Variants in GTF2H5 observed in about 807,000 individuals in gnomAD.
GTF2H5 encodes general transcription factor IIH subunit 5, also known as TFB5 ortholog.
In GTF2H5, 5 loss-of-function variants were observed where a neutral mutation model predicts 7.1. That is an observed-to-expected ratio of 0.71 (90% CI 0.37 to 1.49). GTF2H5 has a LOEUF of 1.49. GTF2H5 is among the 40% of genes most tolerant of loss of function. The probability of loss-of-function intolerance (pLI) is 0.03; values close to 1 mark genes in which losing one functional copy is unlikely to be tolerated. For synonymous variants in GTF2H5, 30 were observed against 31.7 expected (o/e 0.95, Z 0.18); for missense variants, 80 against 83.0 (o/e 0.96, Z 0.14).
chr6:158,169,371 A>ATGTATATTATATATAATATTATAT (rs1785715564), intron 1 of GTF2H5, among the ~76,000 whole-genome samples: 1 of 100,804 alleles, frequency 9.9e-6, no homozygotes, highest in African/African-American at 4.3e-5. Flanking sequence ...TATATATAAT[A>ATGTATATTATATATAATATTATAT]TGTATATTAT....
At chr6:158,173,335 C>G (rs979517854) in intron 2 of GTF2H5, among the ~76,000 whole-genome samples, 4 of 152,032 alleles carry the variant, frequency 2.6e-5, no homozygotes, top group African/African-American at 9.7e-5. Flanking sequence ...ACAAGTCTTC[C>G]AAAAAGATTT....
At chr6:158,188,735 T>C (rs995648339) in intron 2 of GTF2H5, among the ~76,000 whole-genome samples, 3 of 152,236 alleles carry the variant, frequency 2.0e-5, no homozygotes, top group African/African-American at 7.2e-5. Context: ...ATGCTCTGTT[T>C]GTAAAATACC....
At chr6:158,189,143 G>C (rs893341430) in intron 2 of GTF2H5, among the ~76,000 whole-genome samples, 1 of 151,916 alleles carries the variant, frequency 6.6e-6, no homozygotes, top group Non-Finnish European at 1.5e-5. Context: ...CTTATCAGGT[G>C]GTGCCTTTTT....
intron 2 of GTF2H5, among the ~76,000 whole-genome samples, chr6:158,175,044 G>GTGTATATGTGTGTGTGTGTGTGTGTGTA: frequency 1.4e-5 from 2 of 142,794 alleles, no homozygotes; most frequent in Non-Finnish European, 3.0e-5. Flanking sequence ...GTGTGTGTGT[G>GTGTATATGTGTGTGTGTGTGTGTGTGTA]TATACACACA....
intron 2 of GTF2H5, among the ~76,000 whole-genome samples, chr6:158,189,440 T>C (rs937068634): frequency 6.6e-6 from 1 of 152,158 alleles, no homozygotes; most frequent in African/African-American, 2.4e-5. Context: ...GATACCCTGT[T>C]CTCCCAGTTC....
chr6:158,180,136 G>T (rs1442249878), intron 2 of GTF2H5, among the ~76,000 whole-genome samples: 1 of 152,100 alleles, frequency 6.6e-6, no homozygotes, highest in African/African-American at 2.4e-5. Context: ...GATAATCGTG[G>T]TTTTTGTCAT....
chr6:158,169,517 T>TATATAATATACTGTATATTAC (rs1785752351), intron 1 of GTF2H5, among the ~76,000 whole-genome samples: 1 of 74,056 alleles, frequency 1.4e-5, no homozygotes, highest in African/African-American at 5.3e-5. Context: ...TTGTATATTA[T>TATATAATATACTGTATATTAC]ATATAATATA....
intron 2 of GTF2H5, among the ~76,000 whole-genome samples, chr6:158,185,424 C>A (rs1776903252): frequency 6.6e-6 from 1 of 151,436 alleles, no homozygotes; most frequent in South Asian, 2.1e-4. Context: ...CCTGTAGACC[C>A]AGTTAGTCAG....
At chr6:158,177,996 GT>G (rs1785955627) in intron 2 of GTF2H5, among the ~76,000 whole-genome samples, 1 of 152,156 alleles carries the variant, frequency 6.6e-6, no homozygotes, top group Non-Finnish European at 1.5e-5. Flanking sequence ...TTGGTTCCAA[GT>G]CTTAGCTATT....
chr6:158,170,142 G>C (rs1165594415), intron 1 of GTF2H5, among the ~76,000 whole-genome samples: 2 of 152,038 alleles, frequency 1.3e-5, no homozygotes, highest in East Asian at 3.8e-4. Flanking sequence ...TCATTCTCCT[G>C]AATGGGAAAA....
chr6:158,173,156 C>CTTCAGTTTAAACATTA (rs1246081094), intron 2 of GTF2H5, among the ~76,000 whole-genome samples: 1 of 152,190 alleles, frequency 6.6e-6, no homozygotes, highest in Non-Finnish European at 1.5e-5. Flanking sequence ...TGTTAATCAG[C>CTTCAGTTTAAACATTA]TTCAGTTTAA....
intron 2 of GTF2H5, among the ~76,000 whole-genome samples, chr6:158,180,755 C>G (rs868861769): frequency 2.0e-5 from 3 of 150,830 alleles, no homozygotes; most frequent in Admixed American, 6.6e-5. Flanking sequence ...ATTTTTCTCT[C>G]TTTCTTCTTT....
chr6:158,191,760 G>A (rs1777031233), intron 2 of GTF2H5, among the ~76,000 whole-genome samples: 1 of 152,214 alleles, frequency 6.6e-6, no homozygotes, highest in Non-Finnish European at 1.5e-5. Flanking sequence ...GGGATCACAG[G>A]TGTGAGCCAT....
chr6:158,185,992 CA>C (rs199922052), intron 2 of GTF2H5, among the ~76,000 whole-genome samples: 2 of 150,936 alleles, frequency 1.3e-5, no homozygotes, highest in African/African-American at 2.4e-5. Context: ...GACTCTGTCT[CA>C]AAAAAAATAA....
intron 2 of GTF2H5, among the ~76,000 whole-genome samples, chr6:158,182,201 C>T: frequency 6.6e-6 from 1 of 152,182 alleles, no homozygotes; most frequent in East Asian, 1.9e-4. Context: ...TGAATATTGG[C>T]CCCCACTCTC....
intron 1 of GTF2H5, among the ~76,000 whole-genome samples, chr6:158,169,380 A>ATATATTATATATAATATTATATTG (rs1345579462): frequency 1.3e-4 from 12 of 94,928 alleles, no homozygotes; most frequent in Non-Finnish European, 7.3e-5. Context: ...TATGTATATT[A>ATATATTATATATAATATTATATTG]TATATTATAT....
intron 1 of GTF2H5, among the ~76,000 whole-genome samples, chr6:158,169,107 G>A (rs1270862486): frequency 6.6e-6 from 1 of 150,598 alleles, no homozygotes; most frequent in African/African-American, 2.4e-5. Context: ...GGTGGCGGGC[G>A]CCTGTAGTCC....
At chr6:158,190,082 T>A (rs74675755) in intron 2 of GTF2H5, among the ~76,000 whole-genome samples, 1 of 152,064 alleles carries the variant, frequency 6.6e-6, no homozygotes, top group East Asian at 1.9e-4. Flanking sequence ...TTTTTTTTTT[T>A]AGTAGAGTCA....
At chr6:158,169,286 A>T (rs1167598543) in intron 1 of GTF2H5, among the ~76,000 whole-genome samples, 2 of 128,358 alleles carry the variant, frequency 1.6e-5, no homozygotes, top group Non-Finnish European at 3.1e-5. Flanking sequence ...TATATAATAT[A>T]TATTTATTTT....
Sources: allele counts gnomAD v4.1 joint callset (sites outside exome capture counted in the v4.1 genomes callset), GRCh38; gene constraint gnomAD v4.1.1; transcripts MANE v1.5; gene names NCBI Gene and HGNC (gene_info 2026-07-23, HGNC 2026-07-21).